DTNB: variants seen among roughly 807,000 people sequenced by gnomAD.
The protein encoded by DTNB is DTN-B.
In DTNB, 63 loss-of-function variants were observed where a neutral mutation model predicts 90.7. The ratio of observed to expected loss-of-function variants is 0.69; its 90% CI spans 0.57 to 0.86. The LOEUF (loss-of-function observed/expected upper bound fraction) is 0.86, where lower values mean the gene tolerates loss of function less well. Among genes scored for constraint, DTNB ranks in the 40% least tolerant of loss-of-function variants. DTNB has a pLI of 0.00. For synonymous variants in DTNB, 277 were observed against 286.7 expected, an observed-to-expected ratio of 0.97 and a Z score of 0.34; for missense variants, 744 against 807.1, an observed-to-expected ratio of 0.92 and a Z score of 0.95.
At chr2:25,384,813 G>C (rs572600658) in intron 18 of DTNB, among the ~76,000 whole-genome samples, 18 of 152,222 alleles carry the variant, frequency 1.2e-4, no homozygotes, top group East Asian at 7.7e-4. Context: ...ATATTCAGAG[G>C]ACTGTTTTAT....
chr2:25,632,210 A>AAAG (rs1553626476), intron 3 of DTNB, among the ~76,000 whole-genome samples: 2 of 151,678 alleles, frequency 1.3e-5, no homozygotes, highest in Non-Finnish European at 2.9e-5. Context: ...AAAAAAAAAA[A>AAAG]AAAGAAATTG....
At chr2:25,485,277 G>A (rs1015536892) in intron 9 of DTNB, among the ~76,000 whole-genome samples, 26 of 151,974 alleles carry the variant, frequency 1.7e-4, no homozygotes, top group Non-Finnish European at 8.8e-5. Flanking sequence ...CAAAATGCTA[G>A]GATTACAGGT....
intron 9 of DTNB, among the ~76,000 whole-genome samples, chr2:25,513,945 T>C (rs2074475302): frequency 2.7e-5 from 4 of 147,268 alleles, no homozygotes. Flanking sequence ...GATAGGGAGA[T>C]AGAGCAGGAA....
intron 12 of DTNB, among the ~76,000 whole-genome samples, chr2:25,441,787 T>G (rs1411630101): frequency 7.3e-6 from 1 of 137,252 alleles, no homozygotes; most frequent in Non-Finnish European, 1.6e-5. Flanking sequence ...CAGGGAAACC[T>G]GAATCCTAAG....
At chr2:25,386,902 C>T (rs1017111610) in intron 18 of DTNB, among the ~76,000 whole-genome samples, 2 of 152,208 alleles carry the variant, frequency 1.3e-5, no homozygotes, top group East Asian at 3.8e-4. Flanking sequence ...CTGGCTGATT[C>T]CGCTCCAGAC....
intron 16 of DTNB, among the ~76,000 whole-genome samples, chr2:25,390,343 C>A (rs1254028912): frequency 1.3e-5 from 2 of 152,120 alleles, no homozygotes; most frequent in African/African-American, 4.8e-5. Context: ...TATAAAATTT[C>A]TCTAAGAAAA....
chr2:25,635,174 T>G (rs976421891), intron 3 of DTNB, among the ~76,000 whole-genome samples: 12 of 151,822 alleles, frequency 7.9e-5, no homozygotes, highest in Admixed American at 7.2e-4. Flanking sequence ...GGCTCACATC[T>G]GTAATCCCAG....
At chr2:25,432,502 C>T (rs78433554) in intron 14 of DTNB, among the ~76,000 whole-genome samples, 1 of 152,134 alleles carries the variant, frequency 6.6e-6, no homozygotes, top group East Asian at 1.9e-4. Context: ...CTGTAAAGTG[C>T]CAGGAGAATA....
intron 4 of DTNB, among the ~76,000 whole-genome samples, chr2:25,624,333 G>A (rs898381580): frequency 1.3e-5 from 2 of 152,226 alleles, no homozygotes; most frequent in Admixed American, 1.3e-4. Context: ...TCCTGAGGCT[G>A]TGTCATGGGT....
At chr2:25,569,989 C>A (rs971964773) in intron 8 of DTNB, among the ~76,000 whole-genome samples, 1 of 151,486 alleles carries the variant, frequency 6.6e-6, no homozygotes, top group Admixed American at 6.6e-5. Context: ...CCCAGCTACT[C>A]AGGAGGCTGA....
intron 4 of DTNB, among the ~76,000 whole-genome samples, chr2:25,618,362 G>A (rs1008603144): frequency 1.3e-5 from 2 of 151,972 alleles, no homozygotes; most frequent in Non-Finnish European, 2.9e-5. Flanking sequence ...TCCTTCCCAC[G>A]AGACATCTGA....
At chr2:25,649,133 T>C (rs990861196) in intron 2 of DTNB, among the ~76,000 whole-genome samples, 3 of 151,494 alleles carry the variant, frequency 2.0e-5, no homozygotes, top group Non-Finnish European at 4.4e-5. Flanking sequence ...GCCTCCCAAG[T>C]AGCTGGGACT....
chr2:25,390,532 C>A (rs1238233528), intron 16 of DTNB, among the ~76,000 whole-genome samples: 1 of 151,758 alleles, frequency 6.6e-6, no homozygotes, highest in African/African-American at 2.4e-5. Flanking sequence ...CAACCTCCGT[C>A]CCCTGGGTTC....
At chr2:25,442,687 T>C (rs1420108558) in intron 12 of DTNB, among the ~76,000 whole-genome samples, 2 of 152,224 alleles carry the variant, frequency 1.3e-5, no homozygotes, top group African/African-American at 4.8e-5. Context: ...TATATCTGAC[T>C]GTAAGAATGG....
chr2:25,457,536 C>T (rs970348289), intron 10 of DTNB, among the ~76,000 whole-genome samples: 4 of 152,120 alleles, frequency 2.6e-5, no homozygotes, highest in African/African-American at 9.7e-5. Flanking sequence ...TTTCAAGGTA[C>T]CGTTCCATTT....
chr2:25,649,635 A>G (rs982522278), intron 2 of DTNB, among the ~76,000 whole-genome samples: 1 of 152,120 alleles, frequency 6.6e-6, no homozygotes, highest in Non-Finnish European at 1.5e-5. Context: ...GGGAGGATCA[A>G]TTGAGCCCTG....
intron 9 of DTNB, among the ~76,000 whole-genome samples, chr2:25,521,786 T>C (rs915898264): frequency 2.6e-5 from 4 of 152,270 alleles, no homozygotes; most frequent in Admixed American, 6.5e-5. Context: ...TGTAAAGGTC[T>C]TGTTAGATCA....
chr2:25,586,376 G>A (rs1294308427), intron 6 of DTNB, among the ~76,000 whole-genome samples: 7 of 151,964 alleles, frequency 4.6e-5, no homozygotes, highest in African/African-American at 1.7e-4. Context: ...CAGGTGCGGT[G>A]GTGGGCACCT....
chr2:25,580,308 T>A (rs1004027105), intron 7 of DTNB, among the ~76,000 whole-genome samples: 1 of 151,884 alleles, frequency 6.6e-6, no homozygotes, highest in African/African-American at 2.4e-5. Flanking sequence ...TTTAAAGTAA[T>A]AAGTCTCTGC....
Sources: gnomAD v4.1 joint callset for allele counts (sites outside exome capture counted in the v4.1 genomes callset) on GRCh38, gnomAD v4.1.1 for gene constraint, MANE v1.5 for transcripts, NCBI Gene and HGNC (gene_info 2026-07-23, HGNC 2026-07-21) for gene names.